PLEKHG3: variants seen among roughly 807,000 people sequenced by gnomAD.
The protein encoded by PLEKHG3 is pleckstrin homology and RhoGEF domain containing G3, also known as pleckstrin homology domain-containing family G member 3.
A neutral mutation model predicts 94.9 loss-of-function variants in PLEKHG3; 62 were observed. The observed-to-expected ratio is 0.65, with a 90% CI of 0.53 to 0.81. The LOEUF is 0.81. PLEKHG3 is among the 30% of genes least tolerant of loss of function. PLEKHG3 has a pLI of 0.00. For missense variants in PLEKHG3, 1,461 were observed against 1,619.3 expected, an observed-to-expected ratio of 0.90 and a Z score of 1.68; for synonymous variants, 614 against 654.0, an observed-to-expected ratio of 0.94 and a Z score of 0.93.
chr14:64,713,305 T>C (rs2081088928), intron 1 of PLEKHG3, among the ~76,000 whole-genome samples: 1 of 152,322 alleles, frequency 6.6e-6, no homozygotes, highest in East Asian at 1.9e-4. Flanking sequence ...AATACTGGCC[T>C]CATAGAATGA....
Position 64,720,307 on chromosome 14 carries a change from C to G in PLEKHG3, c.-39-7286C>G, listed in dbSNP as rs753312507. ...CTGGGGCCAAGTAGGATGGGACTACCGGGGTGAATGAGCAGTCATCAATCC... is the reference window on the plus strand; with the variant it reads ...CTGGGGCCAAGTAGGATGGGACTACGGGGGTGAATGAGCAGTCATCAATCC... On this transcript the variant is annotated intron_variant, in intron 1 of 16. Transcript: ENST00000247226. The surrounding 1 kb of genome is among the most constrained non-coding windows in gnomAD (Gnocchi z 4.1). Among the ~76,000 whole-genome samples, 8 of 152,290 alleles carry G rather than the reference C, an allele frequency of 5.3e-5. No individual in the cohort carries two copies. Among genetic ancestry groups the G allele is most frequent in the Admixed American group, 2.6e-4 (4 of 15,296 alleles).
rs572530702 is a variant in PLEKHG3 at position 64,716,866 on chromosome 14, C to T, written c.-39-10727C>T. On this transcript the variant is annotated intron_variant, in intron 1 of 16. Transcript: ENST00000247226. The surrounding 1 kb of genome is among the most constrained non-coding windows in gnomAD (Gnocchi z 5.0). ...CAGAATTGGGATTGGGTAATACTGC[C>T]CCACCGGTCTGAATTCTGGTCCATG... 6.6e-6 allele frequency among the ~76,000 whole-genome samples: 1 copy of T among 152,270 alleles called. No individual in the cohort carries two copies. The highest frequency in any genetic ancestry group is 2.4e-5 in the African/African-American group (1 of 41,534).
In PLEKHG3 at chr14:64,730,796, C is replaced by T. The variant is rs1162840095; in HGVS notation, c.567-3C>T. The stretch of plus-strand genomic sequence containing the variant: ...TGGTGACTGGCCCTTCTCCCACTCC[C>T]AGCTCCGTGGCCGCCCTGACGGAAT... On this transcript the variant is annotated splice_region_variant and splice_polypyrimidine_tract_variant and intron_variant, in intron 5 of 16. Coordinates refer to ENST00000247226, the MANE Select transcript of PLEKHG3 (RefSeq NM_001308147.2). This position sits in a 1 kb window ranked among gnomAD's most constrained non-coding sequence, Gnocchi z 5.4. The T allele has an allele frequency of 7.4e-6, 12 of 1,613,018 alleles. No homozygotes were observed. The East Asian group carries it at 2.0e-4, about 27-fold the overall frequency.
rs773004077 is a variant in PLEKHG3, at chr14:64,741,853, C to T, written c.2336C>T (p.Ser779Phe). 2 of 1,613,452 alleles carry T rather than the reference C, an allele frequency of 1.2e-6. No homozygotes were observed. The highest frequency in any genetic ancestry group is 1.7e-6 in the Non-Finnish European group (2 of 1,179,980). Residue 779 changes from serine to phenylalanine, a missense_variant, in exon 16 of 17, where the codon TCC becomes TTC. This residue lies in a region of PLEKHG3 where 1,201 missense variants were observed against 1,295.5 expected (regional missense o/e 0.93). Transcript: ENST00000247226. ...PPVGSKRQVG[S>F]RPTSWALFEL... ...GTGGGGAGCAAGAGACAGGTGGGCT[C>T]CCGGCCGACTTCGTGGGCCCTGTTT...
chr14:64,738,067 C>G lies in PLEKHG3; in HGVS notation c.1405-675C>G. ...GGGCATGAAGGCAACGAGAAGGGGGCTGGGCCGGAGCCCCCAGGCTCAGAG... is the reference window on the plus strand; with the variant it reads ...GGGCATGAAGGCAACGAGAAGGGGGGTGGGCCGGAGCCCCCAGGCTCAGAG... On this transcript the variant is annotated intron_variant, in intron 14 of 16. Transcript: ENST00000247226. This position sits in a 1 kb window ranked among gnomAD's most constrained non-coding sequence, Gnocchi z 4.8. The G allele has an allele frequency of 7.7e-7, 1 of 1,298,800 alleles. No homozygotes were observed. Among genetic ancestry groups the G allele is most frequent in the Non-Finnish European group, 1.0e-6 (1 of 994,538 alleles). The allele number at this position is 1,298,800 out of a possible 1,614,324, so 80.5% of individuals were successfully genotyped here. A position where few individuals can be genotyped will look rare whatever the true frequency, so the allele number is the denominator to read the frequency against.
At position 64,731,680 on chromosome 14, in the gene PLEKHG3, C is replaced by T. The variant is rs1438017724; in HGVS notation, c.1033-34C>T. 1.3e-6 allele frequency: 2 copies of T among 1,569,780 alleles called. No homozygotes were observed. The highest frequency in any genetic ancestry group is 1.8e-6 in the Non-Finnish European group (2 of 1,139,748). ...CTCCCTGCTTCCCCAGGCTGTCAAC[C>T]TTGTGCTTGACTGTCCTTTCCCTCT... On this transcript the variant is annotated intron_variant, in intron 8 of 16. Transcript: ENST00000247226. This position sits in a 1 kb window ranked among gnomAD's most constrained non-coding sequence, Gnocchi z 6.1.
At position 64,749,873 on chromosome 14, in the gene PLEKHG3, G is replaced by C; in HGVS notation, c.*6170G>C. The stretch of plus-strand genomic sequence containing the variant: ...AGCCTCTTTGATTTGAAAAACCCCT[G>C]AGGAGCAGCTCAGGCCTGGCACTGG... On this transcript the variant is annotated 3_prime_UTR_variant, in exon 17 of 17. Coordinates refer to ENST00000247226, the MANE Select transcript of PLEKHG3 (RefSeq NM_001308147.2). The surrounding 1 kb of genome is among the most constrained non-coding windows in gnomAD (Gnocchi z 4.7). 2.0e-6 allele frequency: 3 copies of C among 1,537,778 alleles called. No individual in the cohort carries two copies. The highest frequency in any genetic ancestry group is 2.7e-6 in the Non-Finnish European group (3 of 1,113,362).
intron 3 of PLEKHG3, among the ~76,000 whole-genome samples, chr14:64,729,338 C>G (rs1019244307): frequency 6.6e-6 from 1 of 152,184 alleles, no homozygotes; most frequent in African/African-American, 2.4e-5. Context: ...GGTGCCCCCT[C>G]AAGGGGCTGC....
Position 64,717,112 on chromosome 14 carries a change from CGTGT to C in PLEKHG3, c.-39-10447_-39-10444del, listed in dbSNP as rs3063751. 9.3e-3 allele frequency among the ~76,000 whole-genome samples: 1,343 copies of C among 144,340 alleles called. 18 individuals carry two copies. The highest frequency in any genetic ancestry group is 0.024 in the African/African-American group (926 of 38,720). The allele number at this position is 144,340 out of a possible 152,430, so 94.7% of individuals were successfully genotyped here. The stretch of plus-strand genomic sequence containing the variant: ...GGCTGGCCGCCTTTGGGAATTTACA[CGTGT>C]GTGTGTGTGTGTGTGTGTGTGTGTG... On this transcript the variant is annotated intron_variant, in intron 1 of 16. Transcript: ENST00000247226. This position sits in a 1 kb window ranked among gnomAD's most constrained non-coding sequence, Gnocchi z 4.7.
rs1423561796 is a variant in PLEKHG3 at position 64,725,416 on chromosome 14, C to G, written c.-39-2177C>G. Among the ~76,000 whole-genome samples, 1 of 152,102 alleles carries G rather than the reference C, an allele frequency of 6.6e-6. No individual in the cohort carries two copies. The highest frequency in any genetic ancestry group is 1.5e-5 in the Non-Finnish European group (1 of 68,026). ...GGGTGGGGTGCCTGACTGCAGTGCA[C>G]TTTGAAGGACATCAGAGTGCCACAG... On this transcript the variant is annotated intron_variant, in intron 1 of 16. Coordinates refer to ENST00000247226, the MANE Select transcript of PLEKHG3 (RefSeq NM_001308147.2). This position sits in a 1 kb window ranked among gnomAD's most constrained non-coding sequence, Gnocchi z 5.0.
intron 1 of PLEKHG3, among the ~76,000 whole-genome samples, chr14:64,713,342 T>C (rs986789158): frequency 3.9e-5 from 6 of 152,210 alleles, no homozygotes; most frequent in Non-Finnish European, 4.4e-5. Context: ...TGCTGTTTTT[T>C]TGTGGGGTGA....
rs2081299518 is a variant in PLEKHG3, at chr14:64,723,458, G to T, written c.-39-4135G>T. Among the ~76,000 whole-genome samples, 2 of 152,088 alleles carry T rather than the reference G, an allele frequency of 1.3e-5. No individual in the cohort carries two copies. Among genetic ancestry groups the T allele is most frequent in the Non-Finnish European group, 2.9e-5 (2 of 68,026 alleles). The stretch of plus-strand genomic sequence containing the variant: ...AAAAGAGAAAAGTCTTTGGGGACCT[G>T]CTCAAAGAAGGTTTCACAAGTATAG... On this transcript the variant is annotated intron_variant, in intron 1 of 16. Coordinates refer to ENST00000247226, the MANE Select transcript of PLEKHG3 (RefSeq NM_001308147.2). The surrounding 1 kb of genome is among the most constrained non-coding windows in gnomAD (Gnocchi z 4.5).
intron 13 of PLEKHG3, 95 bp from the exon 14 acceptor site, chr14:64,737,261 C>T: frequency 1.1e-6 from 1 of 895,956 alleles, no homozygotes; most frequent in East Asian, 2.6e-5. Flanking sequence ...CCCCAGGGAG[C>T]TGTCCAGAGG....
Position 64,750,123 on chromosome 14 carries a change from T to C in PLEKHG3, c.*6420T>C, listed in dbSNP as rs2081922089. 1 of 1,614,144 alleles carries C rather than the reference T, an allele frequency of 6.2e-7. No homozygotes were observed. The highest frequency in any genetic ancestry group is 1.6e-4 in the Middle Eastern group (1 of 6,062). On this transcript the variant is annotated 3_prime_UTR_variant, in exon 17 of 17. Transcript: ENST00000247226. ...TCCTTGTAGAAGGTTAGCTCACTGT[T>C]CCTGAGCACACAGTACAGGTTGTTC...
rs760591512 is a variant in PLEKHG3 at position 64,741,594 on chromosome 14, T to G, written c.2077T>G (p.Cys693Gly). The G allele has an allele frequency of 6.2e-7, 1 of 1,613,022 alleles. No individual in the cohort carries two copies. The highest frequency in any genetic ancestry group is 1.1e-5 in the South Asian group (1 of 91,082). ...VNGMEPPSPG[C>G]PVEPDRSSCK... ...TGGGATGGAGCCCCCAAGCCCAGGC[T>G]GCCCAGTGGAGCCTGACCGGTCTTC... Residue 693 changes from cysteine to glycine, a missense_variant, in exon 16 of 17, where the codon TGC (cysteine) becomes GGC (glycine). This residue lies in a region of PLEKHG3 where 1,201 missense variants were observed against 1,295.5 expected (regional missense o/e 0.93). Transcript: ENST00000247226.
In PLEKHG3 at chr14:64,742,149, G is replaced by A; in HGVS notation, c.2632G>A (p.Ala878Thr). The change falls in exon 16 of 17, where the codon GCC becomes ACC. Residue 878 changes from alanine (A) to threonine (T), a missense_variant. By Grantham distance (58) the Ala-to-Thr change is moderately conservative (BLOSUM62 0). Around this residue, in one of 3 missense-constraint regions of PLEKHG3, gnomAD observed 1,201 missense variants for 1,295.5 expected, o/e 0.93. Coordinates refer to ENST00000247226, the MANE Select transcript of PLEKHG3 (RefSeq NM_001308147.2). Reference sequence around the variant, plus strand: ...CTCTCCCACTGAGGGGCGCAGCCCGGCCCACCTGGCCCGGGAGCTGAAAGA... The same window carrying A: ...CTCTCCCACTGAGGGGCGCAGCCCGACCCACCTGGCCCGGGAGCTGAAAGA... ...SSSPTEGRSP[A>T]HLARELKELV... is the part of the protein sequence containing the mutation. 6 of 1,611,750 alleles carry A rather than the reference G, an allele frequency of 3.7e-6. No individual in the cohort carries two copies. The highest frequency in any genetic ancestry group is 5.1e-6 in the Non-Finnish European group (6 of 1,179,962).
rs369536969 is a variant in PLEKHG3, at chr14:64,743,752, C to T, written c.*49C>T. 1 of 1,497,036 alleles carries T rather than the reference C, an allele frequency of 6.7e-7. No individual in the cohort carries two copies. Among genetic ancestry groups the T allele is most frequent in the Non-Finnish European group, 8.9e-7 (1 of 1,128,658 alleles). 92.7% of individuals were successfully genotyped at this position (1,497,036 alleles called of 1,614,324 possible). A position where few individuals can be genotyped will look rare whatever the true frequency, so the allele number is the denominator to read the frequency against. ...AGTCATGTTGGAGGTTGGGGAAGAACCTGGGCATCCTTCCCCTCAAGCCTG... is the reference window on the plus strand; with the variant it reads ...AGTCATGTTGGAGGTTGGGGAAGAATCTGGGCATCCTTCCCCTCAAGCCTG... On this transcript the variant is annotated 3_prime_UTR_variant, in exon 17 of 17. Transcript: ENST00000247226. This position sits in a 1 kb window ranked among gnomAD's most constrained non-coding sequence, Gnocchi z 7.2.
At chr14:64,734,376 T>G (rs1417532363) in intron 12 of PLEKHG3, among the ~76,000 whole-genome samples, 1 of 152,230 alleles carries the variant, frequency 6.6e-6, no homozygotes, top group Admixed American at 6.5e-5. Context: ...CACTGATGTG[T>G]TCAGCAAGTG....
At position 64,738,120 on chromosome 14, in the gene PLEKHG3, C is replaced by G; in HGVS notation, c.1405-622C>G. On this transcript the variant is annotated intron_variant, in intron 14 of 16. Coordinates refer to ENST00000247226, the MANE Select transcript of PLEKHG3 (RefSeq NM_001308147.2). The surrounding 1 kb of genome is among the most constrained non-coding windows in gnomAD (Gnocchi z 4.8). The stretch of plus-strand genomic sequence containing the variant: ...GGAGGAGGAGGAGCAGGAGGAGAGC[C>G]TGGCGGTGGCGGAGCAGGTAGCCGA... 1 of 1,301,540 alleles carries G rather than the reference C, an allele frequency of 7.7e-7. No homozygotes were observed. The highest frequency in any genetic ancestry group is 5.1e-5 in the East Asian group (1 of 19,576). 80.6% of individuals were successfully genotyped at this position (1,301,540 alleles called of 1,614,324 possible). A position where few individuals can be genotyped will look rare whatever the true frequency, so the allele number is the denominator to read the frequency against.
Sources: allele counts gnomAD v4.1 joint callset (sites outside exome capture counted in the v4.1 genomes callset), GRCh38; gene constraint gnomAD v4.1.1; regional missense constraint gnomAD v4.1.1; non-coding constraint Gnocchi (gnomAD v3.1); transcripts MANE v1.5; gene names NCBI Gene and HGNC (gene_info 2026-07-23, HGNC 2026-07-21).